DGKB: variants seen among roughly 807,000 people sequenced by gnomAD.
DGKB encodes diacylglycerol kinase beta, also known as 90 kDa diacylglycerol kinase.
Under a neutral mutation model 114.3 loss-of-function variants are expected in DGKB, and 67 were observed. That is an observed-to-expected ratio of 0.59 (90% CI 0.48 to 0.72). The LOEUF (loss-of-function observed/expected upper bound fraction) is 0.72. Ranked by LOEUF, DGKB falls within the 30% of genes least tolerant of loss-of-function variation. The pLI is 0.00. For missense variants in DGKB, 907 were observed against 975.2 expected (o/e 0.93, Z 0.93); for synonymous variants, 398 against 323.1 (o/e 1.23, Z -2.49).
intron 1 of DGKB, among the ~76,000 whole-genome samples, chr7:14,853,976 T>A (rs1218551471): frequency 6.6e-6 from 1 of 152,174 alleles, no homozygotes; most frequent in Non-Finnish European, 1.5e-5. Flanking sequence ...CTCTGGTCAT[T>A]GAATTACTTC....
At chr7:14,840,516 A>G (rs1041797951) in intron 2 of DGKB, among the ~76,000 whole-genome samples, 2 of 152,198 alleles carry the variant, frequency 1.3e-5, no homozygotes, top group Non-Finnish European at 1.5e-5. Flanking sequence ...ACATATGCAA[A>G]GAAACAATAT....
intron 5 of DGKB, among the ~76,000 whole-genome samples, chr7:14,734,752 A>G (rs1831455836): frequency 6.6e-6 from 1 of 152,228 alleles, no homozygotes; most frequent in Non-Finnish European, 1.5e-5. Flanking sequence ...GGAATGTCCC[A>G]TCTTTAATAT....
intron 5 of DGKB, among the ~76,000 whole-genome samples, chr7:14,730,794 C>A (rs891726715): frequency 1.3e-5 from 2 of 152,090 alleles, no homozygotes; most frequent in Non-Finnish European, 2.9e-5. Flanking sequence ...AGCACCCATG[C>A]CCTTCACTAA....
At chr7:14,521,508 T>C (rs561322125) in intron 20 of DGKB, among the ~76,000 whole-genome samples, 1 of 152,310 alleles carries the variant, frequency 6.6e-6, no homozygotes, top group South Asian at 2.1e-4. Context: ...TATATTCTTT[T>C]TTTCTGACAC....
intron 2 of DGKB, among the ~76,000 whole-genome samples, chr7:14,812,955 A>G (rs1194497592): frequency 6.6e-6 from 1 of 152,112 alleles, no homozygotes; most frequent in Non-Finnish European, 1.5e-5. Context: ...CTTCCCCTCT[A>G]GTAAATATGA....
At chr7:14,664,028 G>T (rs1397502785) in intron 13 of DGKB, among the ~76,000 whole-genome samples, 1 of 151,818 alleles carries the variant, frequency 6.6e-6, no homozygotes, top group Non-Finnish European at 1.5e-5. Flanking sequence ...AAATCTAATA[G>T]TTCTCCTCTA....
chr7:14,913,326 C>T (rs989170096), intron 1 of DGKB, among the ~76,000 whole-genome samples: 1 of 151,716 alleles, frequency 6.6e-6, no homozygotes, highest in Non-Finnish European at 1.5e-5. Flanking sequence ...AGCAGTTATT[C>T]TGTTTCCACC....
At chr7:14,561,985 GA>G (rs1466779932) in intron 20 of DGKB, among the ~76,000 whole-genome samples, 5 of 152,058 alleles carry the variant, frequency 3.3e-5, no homozygotes, top group Admixed American at 1.3e-4. Flanking sequence ...GGCCTTGGAG[GA>G]AAAAATGGTT....
At chr7:14,169,658 A>G (rs557975948) in intron 25 of DGKB, among the ~76,000 whole-genome samples, 38 of 152,286 alleles carry the variant, frequency 2.5e-4, no homozygotes, top group Non-Finnish European at 4.7e-4. Context: ...GAACTTTGAG[A>G]TCAAGGGAGT....
chr7:14,314,244 C>T (rs1422315464), intron 23 of DGKB, among the ~76,000 whole-genome samples: 75 of 152,230 alleles, frequency 4.9e-4, no homozygotes, highest in Admixed American at 1.3e-3. Flanking sequence ...TCCAAAGGAA[C>T]GCAGCTCCTC....
intron 13 of DGKB, among the ~76,000 whole-genome samples, chr7:14,647,666 C>A (rs950103571): frequency 9.2e-5 from 14 of 152,072 alleles, no homozygotes; most frequent in Non-Finnish European, 1.9e-4. Flanking sequence ...AGTAACAGCT[C>A]GGGTCTACAG....
chr7:14,368,011 C>T lies in DGKB; in HGVS notation c.1836-22620G>A, dbSNP rs558316057. Among the ~76,000 whole-genome samples the T allele has an allele frequency of 1.2e-4, 18 of 152,080 alleles. No homozygotes were observed. The South Asian group carries it at 3.7e-3, about 32-fold the overall frequency. On this transcript the variant is annotated intron_variant, in intron 21 of 25. Coordinates refer to ENST00000402815, the MANE Select transcript of DGKB (RefSeq NM_001350709.2). Reference sequence around the variant, plus strand: ...GCAAAACCATATCATATATTAAATGCATTTTTGACATGATATTTTCTTTTT... The same window carrying T: ...GCAAAACCATATCATATATTAAATGTATTTTTGACATGATATTTTCTTTTT...
chr7:14,766,398 T>C (rs1024278256), intron 2 of DGKB, among the ~76,000 whole-genome samples: 4 of 151,844 alleles, frequency 2.6e-5, no homozygotes, highest in Non-Finnish European at 5.9e-5. Flanking sequence ...AATTTCCTTA[T>C]TGATTGGATA....
chr7:14,742,637 G>C (rs1161535038), intron 4 of DGKB, among the ~76,000 whole-genome samples: 1 of 152,182 alleles, frequency 6.6e-6, no homozygotes, highest in African/African-American at 2.4e-5. Context: ...AGGACATACT[G>C]AATTAACCAA....
chr7:14,708,510 A>C (rs1185321904), intron 6 of DGKB, among the ~76,000 whole-genome samples: 1 of 151,332 alleles, frequency 6.6e-6, no homozygotes. Context: ...TCGCCAAGTG[A>C]ATCCTAAGCC....
chr7:14,609,464 G>C (rs1008136441), intron 16 of DGKB, among the ~76,000 whole-genome samples: 11 of 151,784 alleles, frequency 7.2e-5, no homozygotes, highest in Non-Finnish European at 1.5e-5. Flanking sequence ...AATACCCCAC[G>C]TGACAATGGC....
At chr7:14,922,689 T>C (rs1296678220) in intron 1 of DGKB, among the ~76,000 whole-genome samples, 1 of 152,126 alleles carries the variant, frequency 6.6e-6, no homozygotes, top group East Asian at 1.9e-4. Flanking sequence ...TTATCCTCTC[T>C]CTGCTACTAA....
chr7:14,730,596 G>A (rs1335189909), intron 5 of DGKB, among the ~76,000 whole-genome samples: 2 of 152,192 alleles, frequency 1.3e-5, no homozygotes, highest in African/African-American at 2.4e-5. Flanking sequence ...GCAGGGAGAT[G>A]GAGCGAATAG....
At chr7:14,172,183 T>C (rs561568015) in intron 25 of DGKB, among the ~76,000 whole-genome samples, 13 of 152,170 alleles carry the variant, frequency 8.5e-5, no homozygotes, top group African/African-American at 3.1e-4. Context: ...GAAAAGACTT[T>C]TTAAAAAGTA....
Sources: allele counts gnomAD v4.1 joint callset (sites outside exome capture counted in the v4.1 genomes callset), GRCh38; gene constraint gnomAD v4.1.1; transcripts MANE v1.5; gene names NCBI Gene and HGNC (gene_info 2026-07-23, HGNC 2026-07-21).